Variants in DGKI observed in about 807,000 individuals in gnomAD.
DGKI encodes DAG kinase iota.
Under a neutral mutation model 147.5 loss-of-function variants are expected in DGKI, and 55 were observed. The observed-to-expected ratio is 0.37, with a 90% confidence interval of 0.30 to 0.47. The LOEUF is 0.47. Ranked by LOEUF, DGKI falls within the 20% of genes least tolerant of loss-of-function variation. The pLI is 1.00. For missense variants in DGKI, 1,007 were observed against 1,323.8 expected, an observed-to-expected ratio of 0.76 and a Z score of 3.71; for synonymous variants, 469 against 477.1, an observed-to-expected ratio of 0.98 and a Z score of 0.22.
rs1365295993 is a variant in DGKI, at chr7:137,430,172, A to G, written c.2761+13905T>C. Among the ~76,000 whole-genome samples, 3 of 145,486 alleles carry G rather than the reference A, an allele frequency of 2.1e-5. No homozygotes were observed. In the East Asian group the frequency reaches 6.4e-4, roughly 31 times the overall value. On this transcript the variant is annotated intron_variant, in intron 28 of 32. Transcript: ENST00000614521. The stretch of plus-strand genomic sequence containing the variant: ...AGCAACCCAAATGTCCAACAATGAT[A>G]GACTGGGTTAAGAAAATGTGGCACA...
At chr7:137,471,830 T>C (rs1814902487) in intron 23 of DGKI, among the ~76,000 whole-genome samples, 1 of 148,682 alleles carries the variant, frequency 6.7e-6, no homozygotes, top group African/African-American at 2.5e-5. Context: ...TATTTATAAA[T>C]ATATCCATAT....
At chr7:137,427,481 A>T (rs1420731619) in intron 28 of DGKI, among the ~76,000 whole-genome samples, 1 of 152,122 alleles carries the variant, frequency 6.6e-6, no homozygotes, top group East Asian at 1.9e-4. Flanking sequence ...TAACATCACA[A>T]TTAAAAGAAC....
chr7:137,399,734 A>G (rs1412538551), intron 30 of DGKI, among the ~76,000 whole-genome samples: 2 of 152,016 alleles, frequency 1.3e-5, no homozygotes, highest in African/African-American at 4.8e-5. Context: ...ACATGGTGGA[A>G]CCCCGTCTCT....
chr7:137,656,354 C>CT (rs1822220432), intron 4 of DGKI, 112 bp downstream of exon 4: 433 of 1,125,018 alleles, frequency 3.8e-4, no homozygotes, highest in Non-Finnish European at 4.9e-4. Flanking sequence ...GGACTTCCAG[C>CT]TTTTTTTTAA....
At chr7:137,423,290 C>T (rs567213046) in intron 28 of DGKI, among the ~76,000 whole-genome samples, 5 of 152,282 alleles carry the variant, frequency 3.3e-5, no homozygotes, top group South Asian at 2.1e-4. Context: ...AAGCTTCAGG[C>T]GTTGGCTTTA....
chr7:137,517,890 T>C (rs1816836151), intron 21 of DGKI, among the ~76,000 whole-genome samples: 1 of 152,134 alleles, frequency 6.6e-6, no homozygotes, highest in Non-Finnish European at 1.5e-5. Flanking sequence ...ACAATAAAAG[T>C]AAATTGAATG....
chr7:137,724,751 G>A (rs1406404695), intron 1 of DGKI, among the ~76,000 whole-genome samples: 1 of 152,224 alleles, frequency 6.6e-6, no homozygotes, highest in Admixed American at 6.5e-5. Flanking sequence ...AGACTTCTAA[G>A]CAGAGATGTC....
chr7:137,475,944 G>A (rs1815156405), intron 23 of DGKI, among the ~76,000 whole-genome samples: 1 of 152,112 alleles, frequency 6.6e-6, no homozygotes, highest in Admixed American at 6.6e-5. Context: ...TAAATTCATT[G>A]TTGGCAAACC....
chr7:137,729,039 G>T (rs924919596), intron 1 of DGKI, among the ~76,000 whole-genome samples: 25 of 151,994 alleles, frequency 1.6e-4, no homozygotes, highest in Non-Finnish European at 3.4e-4. Flanking sequence ...CTGGCCTAGA[G>T]AAGATAAAAA....
chr7:137,405,820 G>T (rs1210871109), intron 30 of DGKI, among the ~76,000 whole-genome samples: 1 of 152,156 alleles, frequency 6.6e-6, no homozygotes, highest in Non-Finnish European at 1.5e-5. Context: ...GCCTTCCACA[G>T]CCCTCCCAGC....
At chr7:137,842,589 A>G (rs1276045219) in intron 1 of DGKI, among the ~76,000 whole-genome samples, 1 of 152,194 alleles carries the variant, frequency 6.6e-6, no homozygotes, top group Admixed American at 6.5e-5. Flanking sequence ...TGTGCTGCCC[A>G]AAGAGGTACC....
At chr7:137,606,714 A>G (rs1248400120) in intron 10 of DGKI, among the ~76,000 whole-genome samples, 1 of 152,240 alleles carries the variant, frequency 6.6e-6, no homozygotes, top group Non-Finnish European at 1.5e-5. Context: ...GCATAAATCC[A>G]AAGTCTTCAA....
chr7:137,522,696 A>G lies in DGKI; in HGVS notation c.2148-730T>C, dbSNP rs1481031181. Among the ~76,000 whole-genome samples the G allele has an allele frequency of 2.0e-5, 3 of 152,172 alleles. No homozygotes were observed. In the East Asian group the frequency reaches 5.8e-4, roughly 29 times the overall value. On this transcript the variant is annotated intron_variant, in intron 20 of 32. Coordinates refer to ENST00000614521, the MANE Select transcript of DGKI (RefSeq NM_001321708.2). ...GCAGCACCAAACTTTCTGAACATCT[A>G]TTCACTCCCCAAATGTCTGTAACTC... is the stretch of plus-strand genomic sequence containing the variant.
chr7:137,578,061 T>C (rs1819050217), intron 16 of DGKI, among the ~76,000 whole-genome samples: 1 of 152,208 alleles, frequency 6.6e-6, no homozygotes, highest in Non-Finnish European at 1.5e-5. Flanking sequence ...AGCTCAGAGA[T>C]GAGGAACACC....
At chr7:137,624,583 CCTTTTGAACCT>C (rs1182498648) in intron 6 of DGKI, among the ~76,000 whole-genome samples, 1 of 152,032 alleles carries the variant, frequency 6.6e-6, no homozygotes, top group Non-Finnish European at 1.5e-5. Context: ...AGCATTTCCT[CCTTTTGAACCT>C]CTCTCGTTTT....
chr7:137,397,488 C>T, intron 30 of DGKI, 75 bp from the exon 31 acceptor site: 4 of 1,483,132 alleles, frequency 2.7e-6, no homozygotes, highest in Non-Finnish European at 3.7e-6. Flanking sequence ...TCTATAGTCA[C>T]AGAATTAAAA....
chr7:137,691,490 C>T (rs1295271166), intron 1 of DGKI, among the ~76,000 whole-genome samples: 1 of 152,098 alleles, frequency 6.6e-6, no homozygotes, highest in Non-Finnish European at 1.5e-5. Flanking sequence ...CAGTGATGGC[C>T]AGATCTGTGG....
At chr7:137,747,706 G>T (rs1203021188) in intron 1 of DGKI, among the ~76,000 whole-genome samples, 3 of 152,050 alleles carry the variant, frequency 2.0e-5, no homozygotes, top group Non-Finnish European at 4.4e-5. Context: ...CAAGAACCTG[G>T]AGACCTTCTA....
chr7:137,505,540 C>A lies in DGKI; in HGVS notation c.2248+16326G>T, dbSNP rs571431196. 1.6e-3 allele frequency among the ~76,000 whole-genome samples: 236 copies of A among 152,230 alleles called. 2 individuals are homozygous for A. The highest frequency in any genetic ancestry group is 3.4e-3 in the Middle Eastern group (1 of 294). On this transcript the variant is annotated intron_variant, in intron 21 of 32. Coordinates refer to ENST00000614521, the MANE Select transcript of DGKI (RefSeq NM_001321708.2). ...TAAAAGCAAATTAGAATATTCACTT[C>A]TTTTAAAATAAGATTAAAAAATAAT... is the stretch of plus-strand genomic sequence containing the variant.
Sources: gnomAD v4.1 joint callset for allele counts (sites outside exome capture counted in the v4.1 genomes callset) on GRCh38, gnomAD v4.1.1 for gene constraint, MANE v1.5 for transcripts, NCBI Gene and HGNC (gene_info 2026-07-23, HGNC 2026-07-21) for gene names.